KCNN1: variants seen among roughly 807,000 people sequenced by gnomAD.
KCNN1 encodes potassium calcium-activated channel subfamily N member 1.
KCNN1 carries 20 observed loss-of-function variants against 44.7 expected under a neutral mutation model. The ratio of observed to expected loss-of-function variants is 0.45; its 90% confidence interval spans 0.32 to 0.65. KCNN1 has a LOEUF of 0.65. Among genes scored for constraint, KCNN1 ranks in the 30% least tolerant of loss-of-function variants. The probability of loss-of-function intolerance (pLI) is 0.05; values close to 1 mark genes in which losing one functional copy is unlikely to be tolerated. For synonymous variants in KCNN1, 324 were observed against 341.7 expected (o/e 0.95, Z 0.57); for missense variants, 632 against 785.3 (o/e 0.80, Z 2.33).
chr19:17,960,544 C>G (rs907553353), intron 2 of KCNN1, among the ~76,000 whole-genome samples: 1 of 151,836 alleles, frequency 6.6e-6, no homozygotes. Context: ...GCAGGAGAAT[C>G]GCTTGAACGT....
At chr19:17,966,496 G>A (rs1035410635), upstream of KCNN1, among the ~76,000 whole-genome samples, 1 of 152,222 alleles carries the variant, frequency 6.6e-6, no homozygotes. Context: ...ACTCCCTGGG[G>A]CTCTGGCTTC....
chr19:17,966,061 C>A (rs1022806405), upstream of KCNN1, among the ~76,000 whole-genome samples: 1 of 150,482 alleles, frequency 6.6e-6, no homozygotes, highest in African/African-American at 2.5e-5. Context: ...TCCTTCCTTC[C>A]TTCCTTCCTT....
At chr19:17,992,359 G>T (rs1367308391) in intron 7 of KCNN1, among the ~76,000 whole-genome samples, 1 of 151,804 alleles carries the variant, frequency 6.6e-6, no homozygotes, top group East Asian at 1.9e-4. Flanking sequence ...TAATCCTTTT[G>T]GAGGCTGAGA....
In KCNN1 at chr19:17,996,581, A is replaced by T. The variant is rs112681896; in HGVS notation, c.1378-1571A>T. 2.0e-5 allele frequency among the ~76,000 whole-genome samples: 3 copies of T among 152,096 alleles called. No individual in the cohort carries two copies. The South Asian group carries it at 6.2e-4, about 32-fold the overall frequency. On this transcript the variant is annotated intron_variant, in intron 9 of 9. Coordinates refer to ENST00000684775, the MANE Select transcript of KCNN1 (RefSeq NM_001386974.1). The stretch of plus-strand genomic sequence containing the variant: ...AGATCATGCCTCTGCACTCCAGCCT[A>T]GACAACAAGAGCGAGACTTCGTCTC...
Position 17,998,703 on chromosome 19 carries a change from G to A in KCNN1, c.*297G>A, listed in dbSNP as rs1227764746. On this transcript the variant is annotated 3_prime_UTR_variant, in exon 10 of 10. Transcript: ENST00000684775. The surrounding 1 kb of genome is among the most constrained non-coding windows in gnomAD (Gnocchi z 5.4). The stretch of plus-strand genomic sequence containing the variant: ...GCTGGTTCTGAATAAAGCAGGACCC[G>A]CCTAGTGGCTGCCTGTGTGCATGGC... The A allele has an allele frequency of 3.6e-5, 12 of 330,496 alleles. 1 individual carries two copies. In the South Asian group the frequency reaches 4.8e-4, roughly 13 times the overall value. 20.5% of individuals were successfully genotyped at this position (330,496 alleles called of 1,614,324 possible).
chr19:17,964,270 G>A (rs2031746716), upstream of KCNN1, among the ~76,000 whole-genome samples: 1 of 152,246 alleles, frequency 6.6e-6, no homozygotes, highest in East Asian at 1.9e-4. This position sits in a 1 kb window ranked among gnomAD's most constrained non-coding sequence, Gnocchi z 4.3. Flanking sequence ...GGATGCACCT[G>A]TGGAGGGGTG....
At chr19:17,987,619 G>A (rs1054166267) in intron 5 of KCNN1, among the ~76,000 whole-genome samples, 2 of 152,034 alleles carry the variant, frequency 1.3e-5, no homozygotes, top group African/African-American at 4.8e-5. Flanking sequence ...GTCCTGGCCT[G>A]GAAACCGAGA....
intron 3 of KCNN1, among the ~76,000 whole-genome samples, chr19:17,978,731 G>A (rs1052459872): frequency 1.3e-5 from 2 of 151,244 alleles, no homozygotes; most frequent in African/African-American, 4.9e-5. Context: ...GGGATTATAG[G>A]TGTGAGCCAC....
chr19:17,966,039 TC>T (rs1568447059), upstream of KCNN1, among the ~76,000 whole-genome samples: 2 of 122,760 alleles, frequency 1.6e-5, no homozygotes, highest in Non-Finnish European at 3.6e-5. Context: ...CTTCCTTCCT[TC>T]CTTCCTTCCT....
At chr19:17,977,875 G>A (rs1160273769) in intron 3 of KCNN1, among the ~76,000 whole-genome samples, 1 of 151,988 alleles carries the variant, frequency 6.6e-6, no homozygotes, top group Non-Finnish European at 1.5e-5. Context: ...GAAGAACCCA[G>A]ACATAAAAGG....
At chr19:17,985,511 C>T in intron 5 of KCNN1, 58 bp downstream of exon 5, 7 of 1,469,424 alleles carry the variant, frequency 4.8e-6, no homozygotes, top group South Asian at 1.4e-5. Flanking sequence ...GCCCGCTCCA[C>T]CAGCCCTTGC....
At position 17,999,121 on chromosome 19, in the gene KCNN1, A is replaced by G. The variant is rs1466124354; in HGVS notation, c.*715A>G. ...TACAGAGAATGTGATGATGTCAATT[A>G]CCACACTGATTCCTCATCAGAACTT... On this transcript the variant is annotated 3_prime_UTR_variant, in exon 10 of 10. Coordinates refer to ENST00000684775, the MANE Select transcript of KCNN1 (RefSeq NM_001386974.1). 1 of 152,302 alleles carries G rather than the reference A, an allele frequency of 6.6e-6. No individual in the cohort carries two copies. The highest frequency in any genetic ancestry group is 1.5e-5 in the Non-Finnish European group (1 of 68,080). 9.4% of individuals were successfully genotyped at this position (152,302 alleles called of 1,614,324 possible).
intron 3 of KCNN1, among the ~76,000 whole-genome samples, chr19:17,979,712 G>T (rs2032333488): frequency 1.3e-5 from 2 of 152,096 alleles, no homozygotes; most frequent in Admixed American, 1.3e-4. Context: ...GGCGCTGTAG[G>T]GTGTCCTTTA....
chr19:17,986,398 T>G (rs960292023), intron 5 of KCNN1, among the ~76,000 whole-genome samples: 2 of 150,712 alleles, frequency 1.3e-5, no homozygotes, highest in Non-Finnish European at 2.9e-5. Context: ...CCTGCTGGGC[T>G]GTGTCCTCTG....
intron 3 of KCNN1, among the ~76,000 whole-genome samples, chr19:17,977,683 C>T (rs1265982897): frequency 6.6e-6 from 1 of 151,990 alleles, no homozygotes; most frequent in South Asian, 2.1e-4. Flanking sequence ...AACTAGCCGA[C>T]CTCGTTACAA....
At position 17,967,124 on chromosome 19, in the gene KCNN1, C is replaced by T. The variant is rs889944743; in HGVS notation, c.-275C>T. The T allele has an allele frequency of 1.0e-6, 1 of 977,970 alleles. No homozygotes were observed. The highest frequency in any genetic ancestry group is 1.2e-6 in the Non-Finnish European group (1 of 825,520). 60.6% of individuals were successfully genotyped at this position (977,970 alleles called of 1,614,324 possible). On this transcript the variant is annotated 5_prime_UTR_variant, in exon 1 of 10. Transcript: ENST00000684775. ...GCCCGGGCGGGCGCTCGCCCCCCGC[C>T]GGGCCCGTGGACTGGGCGGCGGGGG...
At position 17,993,867 on chromosome 19, in the gene KCNN1, AC is replaced by A. The variant is rs2145975235; in HGVS notation, c.1377+310del. ...TGAGGCTGCAGTGAGCCGAGATGGCACCACTGCAGTCCAGCCTGGGTGACAG... is the reference window on the plus strand; with the variant it reads ...TGAGGCTGCAGTGAGCCGAGATGGCACACTGCAGTCCAGCCTGGGTGACAG... On this transcript the variant is annotated intron_variant, in intron 9 of 9. Coordinates refer to ENST00000684775, the MANE Select transcript of KCNN1 (RefSeq NM_001386974.1). The surrounding 1 kb of genome is among the most constrained non-coding windows in gnomAD (Gnocchi z 4.5). Among the ~76,000 whole-genome samples the A allele has an allele frequency of 6.6e-6, 1 of 152,166 alleles. No individual in the cohort carries two copies. Among genetic ancestry groups the A allele is most frequent in the East Asian group, 1.9e-4 (1 of 5,170 alleles).
chr19:17,989,236 T>C (rs1284750825), intron 6 of KCNN1, among the ~76,000 whole-genome samples: 2 of 152,036 alleles, frequency 1.3e-5, no homozygotes, highest in Non-Finnish European at 2.9e-5. Flanking sequence ...GGCGGGCGGA[T>C]CACTTGAGGT....
chr19:17,976,927 G>T (rs2032227108), intron 3 of KCNN1, among the ~76,000 whole-genome samples: 1 of 151,940 alleles, frequency 6.6e-6, no homozygotes, highest in African/African-American at 2.4e-5. Context: ...TATTGGCCAG[G>T]CTGGTCTCGA....
Sources: gnomAD v4.1 joint callset for allele counts (sites outside exome capture counted in the v4.1 genomes callset) on GRCh38, gnomAD v4.1.1 for gene constraint, Gnocchi (gnomAD v3.1) non-coding constraint, MANE v1.5 for transcripts, NCBI Gene and HGNC (gene_info 2026-07-23, HGNC 2026-07-21) for gene names.